GRID2: variants seen among roughly 807,000 people sequenced by gnomAD.
The protein encoded by GRID2 is glutamate ionotropic receptor delta type subunit 2.
A neutral mutation model predicts 114.8 loss-of-function variants in GRID2; 33 were observed. The ratio of observed to expected loss-of-function variants is 0.29; its 90% CI spans 0.22 to 0.38. The LOEUF is 0.38. GRID2 is among the 10% of genes least tolerant of loss of function. GRID2 has a pLI of 1.00. For missense variants in GRID2, 1,184 were observed against 1,257.7 expected (o/e 0.94, Z 0.89); for synonymous variants, 505 against 449.9 (o/e 1.12, Z -1.55).
At chr4:93,459,095 G>C (rs1385698557) in intron 11 of GRID2, among the ~76,000 whole-genome samples, 2 of 140,652 alleles carry the variant, frequency 1.4e-5, no homozygotes, top group Non-Finnish European at 3.0e-5. Flanking sequence ...CTGGAGAATT[G>C]CTTGAACCCA....
intron 1 of GRID2, among the ~76,000 whole-genome samples, chr4:92,533,601 G>C (rs777923221): frequency 6.6e-6 from 1 of 151,974 alleles, no homozygotes; most frequent in Non-Finnish European, 1.5e-5. Flanking sequence ...CACAATAACT[G>C]TTCATCCCCT....
intron 4 of GRID2, among the ~76,000 whole-genome samples, chr4:93,125,059 G>A (rs1178937271): frequency 1.3e-5 from 2 of 151,822 alleles, no homozygotes; most frequent in Non-Finnish European, 2.9e-5. Flanking sequence ...TTTGTTTTTT[G>A]AGGTAAGAGC....
intron 13 of GRID2, among the ~76,000 whole-genome samples, chr4:93,518,082 T>TATAC (rs565427748): frequency 3.9e-4 from 57 of 147,728 alleles, no homozygotes; most frequent in South Asian, 6.3e-4. Context: ...CATATATATA[T>TATAC]ACACACACTA....
chr4:92,649,049 T>C (rs1383123977), intron 2 of GRID2, among the ~76,000 whole-genome samples: 1 of 422 alleles, frequency 2.4e-3, no homozygotes, highest in Non-Finnish European at 0.01. Flanking sequence ...TATATATATA[T>C]AATATATATA....
At chr4:93,358,534 GA>G (rs1345322964) in intron 8 of GRID2, among the ~76,000 whole-genome samples, 2 of 151,770 alleles carry the variant, frequency 1.3e-5, no homozygotes, top group African/African-American at 4.8e-5. Context: ...GAGCATGTTA[GA>G]AAATAGATAA....
intron 1 of GRID2, among the ~76,000 whole-genome samples, chr4:92,510,436 G>T (rs551833741): frequency 4.0e-5 from 6 of 151,838 alleles, no homozygotes; most frequent in Non-Finnish European, 8.8e-5. Context: ...GCTAAGAAGT[G>T]TCCAGGCTAG....
intron 4 of GRID2, among the ~76,000 whole-genome samples, chr4:93,115,945 G>T (rs1265720333): frequency 2.0e-5 from 3 of 152,046 alleles, no homozygotes; most frequent in Non-Finnish European, 4.4e-5. Flanking sequence ...TAGATTAAAT[G>T]ACTCTTAGCT....
At chr4:92,942,630 T>G (rs1310114021) in intron 2 of GRID2, among the ~76,000 whole-genome samples, 1 of 152,218 alleles carries the variant, frequency 6.6e-6, no homozygotes, top group Non-Finnish European at 1.5e-5. Context: ...AGCTGGTTAT[T>G]TTGCTCATTA....
At chr4:92,460,102 T>C (rs142673288) in intron 1 of GRID2, among the ~76,000 whole-genome samples, 2,330 of 136,524 alleles carry the variant, frequency 0.017, 62 homozygotes, top group Non-Finnish European at 0.022. Flanking sequence ...CTGACTAATA[T>C]ATGCTTCAGG....
chr4:92,795,511 A>G (rs1256425287), intron 2 of GRID2, among the ~76,000 whole-genome samples: 2 of 152,060 alleles, frequency 1.3e-5, no homozygotes, highest in Non-Finnish European at 2.9e-5. Flanking sequence ...CTGAAAATGG[A>G]CTAATGGAGA....
chr4:92,898,533 A>G (rs1305721771), intron 2 of GRID2, among the ~76,000 whole-genome samples: 1 of 152,152 alleles, frequency 6.6e-6, no homozygotes, highest in East Asian at 1.9e-4. Context: ...TGTTAAATGT[A>G]GCATAAAACT....
intron 2 of GRID2, among the ~76,000 whole-genome samples, chr4:93,081,079 G>T (rs1052074031): frequency 2.6e-5 from 4 of 152,162 alleles, no homozygotes; most frequent in Non-Finnish European, 5.9e-5. Context: ...ATTGGGGATC[G>T]AGTTTTCAAT....
chr4:92,518,548 G>T (rs1219812177), intron 1 of GRID2, among the ~76,000 whole-genome samples: 2 of 151,828 alleles, frequency 1.3e-5, no homozygotes, highest in Non-Finnish European at 2.9e-5. Flanking sequence ...GAGGATTGTG[G>T]GAGGAGGAAA....
At chr4:92,494,315 C>G (rs890498972) in intron 1 of GRID2, among the ~76,000 whole-genome samples, 5 of 151,842 alleles carry the variant, frequency 3.3e-5, no homozygotes, top group African/African-American at 1.2e-4. Flanking sequence ...TACTAAATTA[C>G]TAAAAAATTT....
chr4:93,378,275 A>T (rs1438821130), intron 8 of GRID2, among the ~76,000 whole-genome samples: 1 of 152,156 alleles, frequency 6.6e-6, no homozygotes, highest in African/African-American at 2.4e-5. Context: ...ATGAATCCCC[A>T]AAATGGTTTC....
intron 2 of GRID2, among the ~76,000 whole-genome samples, chr4:92,929,088 A>AT: frequency 6.6e-6 from 1 of 151,290 alleles, no homozygotes; most frequent in Non-Finnish European, 1.5e-5. Context: ...TGTTTATTTC[A>AT]TTTTCTTTTT....
chr4:92,748,260 CAACTT>C (rs1560569955), intron 2 of GRID2, among the ~76,000 whole-genome samples: 1 of 152,054 alleles, frequency 6.6e-6, no homozygotes. Context: ...CCAAAAAACT[CAACTT>C]AAACTGACTA....
intron 1 of GRID2, among the ~76,000 whole-genome samples, chr4:92,452,331 T>C (rs1439506900): frequency 6.6e-6 from 1 of 152,046 alleles, no homozygotes; most frequent in East Asian, 1.9e-4. Flanking sequence ...TTTTTTTTTT[T>C]TTTTTAGACA....
intron 1 of GRID2, among the ~76,000 whole-genome samples, chr4:92,422,606 G>C (rs1731959025): frequency 6.6e-6 from 1 of 151,906 alleles, no homozygotes; most frequent in South Asian, 2.1e-4. Flanking sequence ...TCTGTTCCTG[G>C]GTGGGGGCCA....
Sources: gnomAD v4.1 joint callset for allele counts (sites outside exome capture counted in the v4.1 genomes callset) on GRCh38, gnomAD v4.1.1 for gene constraint, MANE v1.5 for transcripts, NCBI Gene and HGNC (gene_info 2026-07-23, HGNC 2026-07-21) for gene names.